Variants in CPS1 observed in about 807,000 individuals in gnomAD.
CPS1 encodes carbamoyl-phosphate synthase [ammonia], mitochondrial.
A neutral mutation model predicts 174.6 loss-of-function variants in CPS1; 109 were observed. The ratio of observed to expected loss-of-function variants is 0.62; its 90% CI spans 0.53 to 0.73. The LOEUF is 0.73. Among genes scored for constraint, CPS1 ranks in the 30% least tolerant of loss-of-function variants. The probability of loss-of-function intolerance (pLI) is 0.00; values close to 1 mark genes in which losing one functional copy is unlikely to be tolerated. For synonymous variants in CPS1, 637 were observed against 632.0 expected, an observed-to-expected ratio of 1.01 and a Z score of -0.12; for missense variants, 1,689 against 1,821.9, an observed-to-expected ratio of 0.93 and a Z score of 1.33.
chr2:210,595,971 A>T (rs1012843946), intron 13 of CPS1, among the ~76,000 whole-genome samples: 3 of 152,014 alleles, frequency 2.0e-5, no homozygotes, highest in Non-Finnish European at 2.9e-5. Context: ...GCTCTACAGG[A>T]TGCTTCGGGC....
At chr2:210,590,067 CAT>C (rs1307935585) in intron 7 of CPS1, 37 bp from the exon 8 acceptor site, 2 of 1,611,474 alleles carry the variant, frequency 1.2e-6, no homozygotes, top group Non-Finnish European at 1.7e-6. Flanking sequence ...GGCAAAGAAA[CAT>C]GTTATTAAAT....
chr2:210,509,856 C>G (rs1378999122), intron 1 of CPS1, among the ~76,000 whole-genome samples: 3 of 152,132 alleles, frequency 2.0e-5, no homozygotes, highest in Non-Finnish European at 4.4e-5. Flanking sequence ...CTACAAACCA[C>G]TGCTCAATGA....
intron 1 of CPS1, among the ~76,000 whole-genome samples, chr2:210,497,893 C>CATATACATATATATATATATATATATAT (rs1695033545): frequency 1.2e-5 from 1 of 86,940 alleles, no homozygotes; most frequent in Non-Finnish European, 2.3e-5. Context: ...TATATACATA[C>CATATACATATATATATATATATATATAT]ATATATATAT....
intron 12 of CPS1, 52 bp from the exon 13 acceptor site, chr2:210,595,435 T>C (rs1442612365): frequency 1.5e-6 from 2 of 1,295,054 alleles, no homozygotes; most frequent in Admixed American, 3.4e-5. Context: ...GAAAATGCCT[T>C]ATTTCCCCCA....
intron 1 of CPS1, among the ~76,000 whole-genome samples, chr2:210,499,486 A>G (rs1335214751): frequency 6.6e-6 from 1 of 151,966 alleles, no homozygotes; most frequent in Non-Finnish European, 1.5e-5. Flanking sequence ...CCTCTACACC[A>G]CTCCAGAGCA....
At chr2:210,601,885 A>G (rs554214175) in intron 15 of CPS1, among the ~76,000 whole-genome samples, 75 of 151,916 alleles carry the variant, frequency 4.9e-4, no homozygotes, top group Non-Finnish European at 9.7e-4. Flanking sequence ...CAATAATTCA[A>G]TATGGCTGCC....
chr2:210,500,068 C>T (rs1249353085), intron 1 of CPS1, among the ~76,000 whole-genome samples: 1 of 152,022 alleles, frequency 6.6e-6, no homozygotes, highest in Non-Finnish European at 1.5e-5. Flanking sequence ...AGAATGAGTG[C>T]CAAGCAAAGG....
chr2:210,677,048 CCAA>C lies in CPS1; in HGVS notation c.4325_4327del (p.Asn1442del). 6.2e-7 allele frequency: 1 copy of C among 1,613,628 alleles called. No individual in the cohort carries two copies. Among genetic ancestry groups the C allele is most frequent in the Non-Finnish European group, 8.5e-7 (1 of 1,179,644 alleles). ...AGCATTGACCTAGTGATTAACCTTC[CCAA>C]CAACAACACTAAATTTGTCCATGAT... On this transcript the variant is annotated inframe_deletion, in exon 37 of 38. Transcript: ENST00000233072.
intron 1 of CPS1, among the ~76,000 whole-genome samples, chr2:210,484,439 T>G (rs1027255571): frequency 6.6e-6 from 1 of 152,232 alleles, no homozygotes; most frequent in African/African-American, 2.4e-5. Context: ...TGGAATGATT[T>G]TGAAACTGGC....
intron 1 of CPS1, among the ~76,000 whole-genome samples, chr2:210,559,545 A>G (rs1697030484): frequency 6.6e-6 from 1 of 152,150 alleles, no homozygotes; most frequent in Non-Finnish European, 1.5e-5. Flanking sequence ...AAGAAAGTTG[A>G]TATCAAGGGT....
upstream of CPS1, among the ~76,000 whole-genome samples, chr2:210,553,586 C>G (rs1462888881): frequency 1.3e-5 from 2 of 151,984 alleles, no homozygotes; most frequent in Non-Finnish European, 2.9e-5. Context: ...GGGTCCCCAG[C>G]CTGATGTGTG....
chr2:210,654,095 A>T lies in CPS1; in HGVS notation c.3551A>T (p.Asp1184Val), dbSNP rs1227518615. ...GTAGAAATGGACGCTGTTGGCAAAGATGGAAGGGTAAGTGCTTTATTCTCA... is the reference window on the plus strand; with the variant it reads ...GTAGAAATGGACGCTGTTGGCAAAGTTGGAAGGGTAAGTGCTTTATTCTCA... ...REVEMDAVGK[D>V]GRVISHAISE... The change falls in exon 29 of 38, where the codon GAT becomes GTT. Residue 1184 changes from aspartate (D) to valine (V), a missense_variant. Physicochemically the swap from Asp to Val is radical, Grantham distance 152. Transcript: ENST00000233072. 1 of 1,613,898 alleles carries T rather than the reference A, an allele frequency of 6.2e-7. No homozygotes were observed. The highest frequency in any genetic ancestry group is 8.5e-7 in the Non-Finnish European group (1 of 1,179,792).
intron 1 of CPS1, among the ~76,000 whole-genome samples, chr2:210,498,822 A>T (rs1234910044): frequency 2.0e-5 from 3 of 151,182 alleles, no homozygotes; most frequent in Non-Finnish European, 3.0e-5. Context: ...GCTGGACCAC[A>T]ATCTCTGCAC....
At chr2:210,530,921 C>T (rs957427883) in intron 1 of CPS1, among the ~76,000 whole-genome samples, 1 of 151,794 alleles carries the variant, frequency 6.6e-6, no homozygotes, top group Non-Finnish European at 1.5e-5. Flanking sequence ...TAATTATGCA[C>T]AGTAAGCTTG....
chr2:210,564,934 G>T (rs960906826), intron 1 of CPS1, among the ~76,000 whole-genome samples: 1 of 151,950 alleles, frequency 6.6e-6, no homozygotes, highest in African/African-American at 2.4e-5. Context: ...GGCAGAGGTT[G>T]CAGTGAGCCA....
chr2:210,499,365 T>G (rs1361006448), intron 1 of CPS1, among the ~76,000 whole-genome samples: 2 of 152,092 alleles, frequency 1.3e-5, no homozygotes, highest in Admixed American at 6.6e-5. Context: ...AGTCTCCTCA[T>G]CCAGGAGAAA....
chr2:210,495,579 A>C (rs1694973096), intron 1 of CPS1, among the ~76,000 whole-genome samples: 1 of 152,192 alleles, frequency 6.6e-6, no homozygotes, highest in African/African-American at 2.4e-5. Context: ...AGCAATGTGC[A>C]GACTGCAGTT....
chr2:210,605,752 A>T (rs1698885550), intron 17 of CPS1, among the ~76,000 whole-genome samples: 1 of 151,920 alleles, frequency 6.6e-6, no homozygotes, highest in South Asian at 2.1e-4. Flanking sequence ...GAATTTAAGA[A>T]ATAAAATAGA....
intron 1 of CPS1, chr2:210,519,818 T>G: frequency 1.0e-6 from 1 of 983,896 alleles, no homozygotes; most frequent in African/African-American, 1.7e-5. Context: ...GGGCAATGAT[T>G]TATGCAAAAG....
Sources: allele counts gnomAD v4.1 joint callset (sites outside exome capture counted in the v4.1 genomes callset), GRCh38; gene constraint gnomAD v4.1.1; transcripts MANE v1.5; gene names NCBI Gene and HGNC (gene_info 2026-07-23, HGNC 2026-07-21).